Variants in HNF4G observed in about 807,000 individuals in gnomAD.
HNF4G encodes the protein hepatocyte nuclear factor 4 gamma.
HNF4G carries 21 observed loss-of-function variants against 50.9 expected under a neutral mutation model. That is an observed-to-expected ratio of 0.41 (90% CI 0.29 to 0.59). The LOEUF (loss-of-function observed/expected upper bound fraction) is 0.59, where lower values mean the gene tolerates loss of function less well. Ranked by LOEUF, HNF4G falls within the 20% of genes least tolerant of loss-of-function variation. The pLI is 0.26. For missense variants in HNF4G, 527 were observed against 559.4 expected, an observed-to-expected ratio of 0.94 and a Z score of 0.58; for synonymous variants, 198 against 185.6, an observed-to-expected ratio of 1.07 and a Z score of -0.54.
chr8:75,475,972 G>C (rs143607214), intron 1 of HNF4G, among the ~76,000 whole-genome samples: 1 of 151,928 alleles, frequency 6.6e-6, no homozygotes, highest in Non-Finnish European at 1.5e-5. Flanking sequence ...AATTTGGGGC[G>C]TACACATGCA....
intron 2 of HNF4G, among the ~76,000 whole-genome samples, chr8:75,504,158 T>C (rs1384185370): frequency 6.6e-6 from 1 of 150,850 alleles, no homozygotes; most frequent in Non-Finnish European, 1.5e-5. Flanking sequence ...GAGGCACAGG[T>C]TGCAGTGAGC....
chr8:75,543,730 T>A (rs191184651), intron 1 of HNF4G, 81 bp from the exon 2 acceptor site: 2 of 1,217,354 alleles, frequency 1.6e-6, no homozygotes, highest in South Asian at 2.8e-5. Context: ...TGGAGTGTTA[T>A]GAGCCTATAA....
intron 2 of HNF4G, among the ~76,000 whole-genome samples, chr8:75,505,702 A>G (rs2943559): frequency 0.11 from 17,340 of 151,582 alleles, 1,327 homozygotes; most frequent in African/African-American, 0.22. Flanking sequence ...AAAAAAACAT[A>G]ATACAAGAGT....
At chr8:75,440,735 A>T (rs1277983500) in intron 1 of HNF4G, among the ~76,000 whole-genome samples, 1 of 152,208 alleles carries the variant, frequency 6.6e-6, no homozygotes, top group Non-Finnish European at 1.5e-5. Context: ...TTTAGCTAAT[A>T]ATGTTAAATT....
At chr8:75,410,475 A>G (rs565724057) in intron 1 of HNF4G, among the ~76,000 whole-genome samples, 19 of 152,294 alleles carry the variant, frequency 1.2e-4, no homozygotes, top group African/African-American at 4.6e-4. Context: ...AATTAAATAC[A>G]CTTGAATATA....
chr8:75,460,509 C>T (rs1344666637), intron 1 of HNF4G, among the ~76,000 whole-genome samples: 2 of 152,176 alleles, frequency 1.3e-5, no homozygotes, highest in Non-Finnish European at 2.9e-5. Context: ...ATGATGAATG[C>T]TGTTCTGATT....
intron 1 of HNF4G, among the ~76,000 whole-genome samples, chr8:75,472,928 G>A (rs559231953): frequency 1.4e-4 from 21 of 152,254 alleles, no homozygotes; most frequent in Non-Finnish European, 2.9e-4. Context: ...AAGGGCAAGG[G>A]TTTAGAAAAG....
intron 1 of HNF4G, among the ~76,000 whole-genome samples, chr8:75,485,021 T>C (rs1467547607): frequency 1.3e-5 from 2 of 152,248 alleles, no homozygotes; most frequent in Non-Finnish European, 2.9e-5. Flanking sequence ...TAAGTGGTTG[T>C]ACTGAATGTA....
chr8:75,523,853 A>G (rs538680003), intron 2 of HNF4G, among the ~76,000 whole-genome samples: 8 of 152,116 alleles, frequency 5.3e-5, no homozygotes, highest in African/African-American at 1.7e-4. Flanking sequence ...TTTTTATAGA[A>G]GTATTGGTAA....
intron 3 of HNF4G, among the ~76,000 whole-genome samples, chr8:75,548,616 C>A (rs1469088176): frequency 2.0e-5 from 3 of 152,088 alleles, no homozygotes; most frequent in East Asian, 1.9e-4. Flanking sequence ...AATTTAGAAA[C>A]AAATGTATTG....
intron 1 of HNF4G, among the ~76,000 whole-genome samples, chr8:75,440,514 CA>C (rs1372465123): frequency 6.6e-6 from 1 of 152,118 alleles, no homozygotes; most frequent in Middle Eastern, 3.2e-3. Context: ...AGATTGCCAG[CA>C]ATTATGGCTA....
intron 1 of HNF4G, among the ~76,000 whole-genome samples, chr8:75,433,437 A>G (rs2130524929): frequency 6.6e-6 from 1 of 151,962 alleles, no homozygotes; most frequent in South Asian, 2.1e-4. Flanking sequence ...AAAAGAAAGA[A>G]ACTTTAAGAT....
intron 1 of HNF4G, among the ~76,000 whole-genome samples, chr8:75,479,462 G>T (rs1364068385): frequency 6.6e-6 from 1 of 152,216 alleles, no homozygotes; most frequent in South Asian, 2.1e-4. Context: ...TTGAACTGAG[G>T]AGACTGTCTT....
At chr8:75,426,488 C>A (rs1462116317) in intron 1 of HNF4G, among the ~76,000 whole-genome samples, 1 of 152,142 alleles carries the variant, frequency 6.6e-6, no homozygotes, top group Non-Finnish European at 1.5e-5. Context: ...ACCTCTGAAC[C>A]AGGAAGTGAA....
At chr8:75,492,933 G>T (rs1353206765) in intron 2 of HNF4G, among the ~76,000 whole-genome samples, 7 of 151,908 alleles carry the variant, frequency 4.6e-5, no homozygotes, top group African/African-American at 1.4e-4. Flanking sequence ...CAATAAGATT[G>T]GTTTGACACA....
intron 1 of HNF4G, among the ~76,000 whole-genome samples, chr8:75,443,071 G>A (rs1811324671): frequency 6.6e-6 from 1 of 152,106 alleles, no homozygotes. Context: ...CTCTGCCTTC[G>A]AGAATGGGAT....
At chr8:75,432,256 A>T (rs542218550) in intron 1 of HNF4G, among the ~76,000 whole-genome samples, 1 of 152,036 alleles carries the variant, frequency 6.6e-6, no homozygotes, top group Admixed American at 6.5e-5. Flanking sequence ...TAAAAAAAAT[A>T]AAAAAGTAAA....
chr8:75,532,026 T>C (rs929259520), intron 2 of HNF4G, among the ~76,000 whole-genome samples: 6 of 152,148 alleles, frequency 3.9e-5, no homozygotes, highest in Admixed American at 1.3e-4. Flanking sequence ...ATCTTCACTA[T>C]TCTTTCATTT....
intron 1 of HNF4G, among the ~76,000 whole-genome samples, chr8:75,442,218 G>A (rs574561847): frequency 1.3e-4 from 20 of 152,224 alleles, no homozygotes; most frequent in African/African-American, 4.3e-4. Flanking sequence ...ATTTAATCAA[G>A]TTAAGGTACC....
Sources: gnomAD v4.1 joint callset for allele counts (sites outside exome capture counted in the v4.1 genomes callset) on GRCh38, gnomAD v4.1.1 for gene constraint, MANE v1.5 for transcripts, NCBI Gene and HGNC (gene_info 2026-07-23, HGNC 2026-07-21) for gene names.